Variants in MLYCD observed in about 807,000 individuals in gnomAD.
MLYCD encodes malonyl-CoA decarboxylase, mitochondrial.
In MLYCD, 27 loss-of-function variants were observed where a neutral mutation model predicts 35.8. The observed-to-expected ratio is 0.75, with a 90% CI of 0.56 to 1.04. The LOEUF (loss-of-function observed/expected upper bound fraction) is 1.04, where lower values mean the gene tolerates loss of function less well. Among genes scored for constraint, MLYCD ranks in the 50% least tolerant of loss-of-function variants. The probability of loss-of-function intolerance (pLI) is 0.00; values close to 1 mark genes in which losing one functional copy is unlikely to be tolerated. For missense variants in MLYCD, 917 were observed against 665.1 expected (o/e 1.38, Z -4.17); for synonymous variants, 403 against 302.4 (o/e 1.33, Z -3.45).
In MLYCD at chr16:83,915,080, C is replaced by T. The variant is rs200573073; in HGVS notation, c.1073C>T (p.Ser358Leu). 4.0e-5 allele frequency: 65 copies of T among 1,614,108 alleles called. No individual in the cohort carries two copies. Among genetic ancestry groups the T allele is most frequent in the Admixed American group, 3.2e-4 (19 of 60,006 alleles). ...GGGAGGAATGAACTCTTTACAGATT[C>T]GGAATGTAAGGAAATCTCGGAGATC... is the stretch of plus-strand genomic sequence containing the variant. ...EHGRNELFTDSECKEISEITG... is the reference protein window; with the variant it reads ...EHGRNELFTDLECKEISEITG... Residue 358 changes from serine to leucine, a missense_variant, in exon 5 of 5, where the codon TCG (serine) becomes TTG (leucine). Coordinates refer to ENST00000262430, the MANE Select transcript of MLYCD (RefSeq NM_012213.3).
chr16:83,912,126 C>T (rs1432497413), intron 3 of MLYCD, 92 bp from the exon 4 acceptor site: 3 of 1,568,240 alleles, frequency 1.9e-6, no homozygotes, highest in African/African-American at 2.7e-5. Flanking sequence ...CTTCAGTGCT[C>T]TGAGAATTGT....
intron 4 of MLYCD, chr16:83,912,626 A>G: frequency 7.8e-6 from 4 of 512,090 alleles, no homozygotes; most frequent in Non-Finnish European, 1.4e-5. Flanking sequence ...TTCTGAGGTC[A>G]TCAACTCTCT....
intron 1 of MLYCD, among the ~76,000 whole-genome samples, 192 bp from the exon 2 acceptor site, chr16:83,906,795 A>T (rs1306108751): frequency 7.5e-6 from 1 of 134,044 alleles, no homozygotes; most frequent in Non-Finnish European, 1.5e-5. Context: ...CGTTGAACGA[A>T]AGAAAGCCTG....
chr16:83,907,400 C>T (rs1177806146), intron 2 of MLYCD, among the ~76,000 whole-genome samples: 4 of 152,134 alleles, frequency 2.6e-5, no homozygotes, highest in Non-Finnish European at 2.9e-5. Flanking sequence ...GTCCCAAGAC[C>T]CCGTGATCAG....
At chr16:83,909,628 T>TG (rs1907102059) in intron 3 of MLYCD, among the ~76,000 whole-genome samples, 2 of 150,450 alleles carry the variant, frequency 1.3e-5, no homozygotes, top group Non-Finnish European at 3.0e-5. Context: ...GTGTTTTTTT[T>TG]TTTTTTTTTT....
intron 1 of MLYCD, among the ~76,000 whole-genome samples, chr16:83,902,327 G>A (rs1049362975): frequency 6.6e-6 from 1 of 150,686 alleles, no homozygotes; most frequent in Non-Finnish European, 1.5e-5. Context: ...CCCAAGTGCT[G>A]GGATTATAGA....
Position 83,912,410 on chromosome 16 carries a change from G to A in MLYCD, c.948+43G>A, listed in dbSNP as rs1462771520. 3 of 1,613,404 alleles carry A rather than the reference G, an allele frequency of 1.9e-6. No individual in the cohort carries two copies. The South Asian group carries it at 3.3e-5, about 18-fold the overall frequency. On this transcript the variant is annotated intron_variant, in intron 4 of 4. Coordinates refer to ENST00000262430, the MANE Select transcript of MLYCD (RefSeq NM_012213.3). ...AGCCCCGGTCACGCTTGGCTTCCGT[G>A]TGGTCAGGTCAGCGAACCTCGTGGG...
rs1027065801 is a variant in MLYCD, at chr16:83,927,021, T to A, written c.*11532T>A. The A allele has an allele frequency of 1.3e-5, 2 of 151,882 alleles. No homozygotes were observed. The highest frequency in any genetic ancestry group is 2.9e-5 in the Non-Finnish European group (2 of 67,970). 9.4% of individuals were successfully genotyped at this position (151,882 alleles called of 1,614,324 possible). A position where few individuals can be genotyped will look rare whatever the true frequency, so the allele number is the denominator to read the frequency against. On this transcript the variant is annotated 3_prime_UTR_variant, in exon 5 of 5. Transcript: ENST00000262430. ...TCAAAAAAAAATAAAAATAAAAAAATAAAATCCTAACAGGTAGCATACCTG... is the reference window on the plus strand; with the variant it reads ...TCAAAAAAAAATAAAAATAAAAAAAAAAAATCCTAACAGGTAGCATACCTG...
chr16:83,899,347 G>T lies in MLYCD; in HGVS notation c.203G>T (p.Cys68Phe). The T allele has an allele frequency of 6.6e-7, 1 of 1,521,774 alleles. No homozygotes were observed. The allele number at this position is 1,521,774 out of a possible 1,614,324, so 94.3% of individuals were successfully genotyped here. The change falls in exon 1 of 5, where the codon TGC becomes TTC. Residue 68 changes from cysteine (C) to phenylalanine (F), a missense_variant. Physicochemically the swap from Cys to Phe is radical, Grantham distance 205. Transcript: ENST00000262430. ...ACACCGGCGCCCGCCGAGGGTCAGT[G>T]CGCGGACTTCGTGAGCTTCTACGGT... ...EKTPAPAEGQCADFVSFYGGL... is the reference protein window; with the variant it reads ...EKTPAPAEGQFADFVSFYGGL...
At chr16:83,903,666 C>T (rs938376627) in intron 1 of MLYCD, among the ~76,000 whole-genome samples, 2 of 152,130 alleles carry the variant, frequency 1.3e-5, no homozygotes, top group East Asian at 1.9e-4. Flanking sequence ...TACACAGAGC[C>T]GGGTGCAGTG....
intron 1 of MLYCD, among the ~76,000 whole-genome samples, chr16:83,904,083 C>G (rs1418847967): frequency 6.6e-6 from 1 of 152,078 alleles, no homozygotes; most frequent in Non-Finnish European, 1.5e-5. Context: ...GTCAGGAGCC[C>G]AAAATAGAAT....
At position 83,917,760 on chromosome 16, in the gene MLYCD, C is replaced by A. The variant is rs1010285484; in HGVS notation, c.*2271C>A. 1 of 152,274 alleles carries A rather than the reference C, an allele frequency of 6.6e-6. No individual in the cohort carries two copies. 9.4% of individuals were successfully genotyped at this position (152,274 alleles called of 1,614,324 possible). On this transcript the variant is annotated 3_prime_UTR_variant, in exon 5 of 5. Transcript: ENST00000262430. Reference sequence around the variant, plus strand: ...GTCTTTGCTTAGCTTTTGGCCTAGACCTTAAAGACCAGCAGTCTTCTGTGC... The same window carrying A: ...GTCTTTGCTTAGCTTTTGGCCTAGAACTTAAAGACCAGCAGTCTTCTGTGC...
intron 4 of MLYCD, 194 bp from the exon 5 acceptor site, chr16:83,914,762 G>T: frequency 1.3e-6 from 1 of 763,866 alleles, no homozygotes; most frequent in Non-Finnish European, 2.1e-6. Flanking sequence ...TAGGGCAATA[G>T]AGCAAGACCC....
At chr16:83,900,831 T>C (rs1156471024) in intron 1 of MLYCD, among the ~76,000 whole-genome samples, 1 of 152,208 alleles carries the variant, frequency 6.6e-6, no homozygotes, top group African/African-American at 2.4e-5. Context: ...TGATAACACG[T>C]ATCCCTTTTA....
In MLYCD at chr16:83,922,631, C is replaced by T. The variant is rs1411964185; in HGVS notation, c.*7142C>T. 6 of 152,190 alleles carry T rather than the reference C, an allele frequency of 3.9e-5. No homozygotes were observed. The highest frequency in any genetic ancestry group is 1.9e-4 in the East Asian group (1 of 5,186). The allele number at this position is 152,190 out of a possible 1,614,324, so 9.4% of individuals were successfully genotyped here. ...CTTTAAGTGGCAGTAACCATAGTAC[C>T]GACCCCACAGCCTGCTGAGAGGCTC... On this transcript the variant is annotated 3_prime_UTR_variant, in exon 5 of 5. Coordinates refer to ENST00000262430, the MANE Select transcript of MLYCD (RefSeq NM_012213.3).
chr16:83,900,429 C>G (rs185523460), intron 1 of MLYCD, among the ~76,000 whole-genome samples: 1 of 151,966 alleles, frequency 6.6e-6, no homozygotes, highest in African/African-American at 2.4e-5. Context: ...AACTAACCTG[C>G]CCTTTTTTTA....
chr16:83,919,395 A>G lies in MLYCD; in HGVS notation c.*3906A>G, dbSNP rs117675474. The G allele has an allele frequency of 0.068, 10,239 of 150,140 alleles. 387 individuals carry two copies. Among genetic ancestry groups the G allele is most frequent in the East Asian group, 0.11 (565 of 4,930 alleles). 9.3% of individuals were successfully genotyped at this position (150,140 alleles called of 1,614,324 possible). On this transcript the variant is annotated 3_prime_UTR_variant, in exon 5 of 5. Transcript: ENST00000262430. The stretch of plus-strand genomic sequence containing the variant: ...ACAGGAGAACACAGTGCACAGGAGA[A>G]CACACACTGCACAGAACAAATGCAC...
In MLYCD at chr16:83,916,820, T is replaced by C. The variant is rs1165960552; in HGVS notation, c.*1331T>C. ...GTGGATCAGTGCACGCCTGTGTGCGTGTGCACGAGCGTCTCTGTGTGTCAG... is the reference window on the plus strand; with the variant it reads ...GTGGATCAGTGCACGCCTGTGTGCGCGTGCACGAGCGTCTCTGTGTGTCAG... On this transcript the variant is annotated 3_prime_UTR_variant, in exon 5 of 5. Transcript: ENST00000262430. 1.5e-5 allele frequency: 2 copies of C among 132,520 alleles called. 1 individual carries two copies. Among genetic ancestry groups the C allele is most frequent in the Admixed American group, 1.5e-4 (2 of 13,156 alleles). The allele number at this position is 132,520 out of a possible 1,614,324, so 8.2% of individuals were successfully genotyped here.
In MLYCD at chr16:83,915,351, C is replaced by G; in HGVS notation, c.1344C>G (p.Cys448Trp). The change falls in exon 5 of 5, where the codon TGC (cysteine) becomes TGG (tryptophan). Residue 448 changes from cysteine (C) to tryptophan (W), a missense_variant. Transcript: ENST00000262430. ...DVSLRGITGS[C>W]GLMANYRYFL... ...GCCTCAGAGGCATCACCGGCTCCTG[C>G]GGCCTGATGGCCAACTACCGCTACT... 6.2e-7 allele frequency: 1 copy of G among 1,613,772 alleles called. No homozygotes were observed. Among genetic ancestry groups the G allele is most frequent in the Non-Finnish European group, 8.5e-7 (1 of 1,180,040 alleles).
Sources: allele counts gnomAD v4.1 joint callset (sites outside exome capture counted in the v4.1 genomes callset), GRCh38; gene constraint gnomAD v4.1.1; transcripts MANE v1.5; gene names NCBI Gene and HGNC (gene_info 2026-07-23, HGNC 2026-07-21).